ASB10: variants seen among roughly 807,000 people sequenced by gnomAD.
ASB10 encodes ankyrin repeat and SOCS box protein 10.
A neutral mutation model predicts 35.4 loss-of-function variants in ASB10; 44 were observed. The ratio of observed to expected loss-of-function variants is 1.24; its 90% CI spans 0.98 to 1.60. ASB10 has a LOEUF of 1.60. ASB10 is among the 40% of genes most tolerant of loss of function. The pLI, the probability that ASB10 is intolerant of heterozygous loss-of-function variation, is 0.00. For synonymous variants in ASB10, 294 were observed against 280.4 expected, an observed-to-expected ratio of 1.05 and a Z score of -0.49; for missense variants, 647 against 634.3, an observed-to-expected ratio of 1.02 and a Z score of -0.22.
Position 151,186,842 on chromosome 7 carries a change from C to A in ASB10, c.289G>T (p.Asp97Tyr). ...AGAGCACGGATGTTGAAGCGGAAATCCCTCCATCGCTCTGGGTCGCTGGTA... is the reference window on the plus strand; with the variant it reads ...AGAGCACGGATGTTGAAGCGGAAATACCTCCATCGCTCTGGGTCGCTGGTA... Reference protein sequence around the residue: ...FDTSDPERWRDFRFNIRALRL... With the variant: ...FDTSDPERWRYFRFNIRALRL... Residue 97 changes from aspartate to tyrosine, a missense_variant, in exon 1 of 6, where the codon GAT becomes TAT. By Grantham distance (160) the Asp-to-Tyr change is radical. Transcript: ENST00000420175. 1 of 1,606,048 alleles carries A rather than the reference C, an allele frequency of 6.2e-7. No individual in the cohort carries two copies. Among genetic ancestry groups the A allele is most frequent in the Non-Finnish European group, 8.5e-7 (1 of 1,174,590 alleles).
rs1190775647 is a variant in ASB10 at position 151,186,637 on chromosome 7, T to C, written c.339A>G (p.Glu113=). 6.2e-6 allele frequency: 10 copies of C among 1,610,872 alleles called. No individual in the cohort carries two copies. Among genetic ancestry groups the C allele is most frequent in the Non-Finnish European group, 8.5e-6 (10 of 1,179,028 alleles). Reference sequence around the variant, plus strand: ...CATGCAGTGGGGTGGTCAGCTCCTCTTCGTATGTCAGAGACCAGAGTCCTA... The same window carrying C: ...CATGCAGTGGGGTGGTCAGCTCCTCCTCGTATGTCAGAGACCAGAGTCCTA... ...RALRLWSLTY[E]EELTTPLHVA... Residue 113 remains glutamate, a synonymous_variant, in exon 2 of 6, where the codon GAA becomes GAG. Transcript: ENST00000420175.
rs558930950 is a variant in ASB10 at position 151,187,046 on chromosome 7, C to G, written c.85G>C (p.Glu29Gln). 6.2e-7 allele frequency: 1 copy of G among 1,610,308 alleles called. No homozygotes were observed. The highest frequency in any genetic ancestry group is 2.2e-5 in the East Asian group (1 of 44,740). ...DRHPLCARLV[E>Q]KPSRGSEEHL... ...TCCTCAGACCCTCTGCTGGGCTTCT[C>G]CACCAGCCTGGCACAGAGGGGGTGT... Residue 29 changes from glutamate to glutamine, a missense_variant, in exon 1 of 6, where the codon GAG becomes CAG. Coordinates refer to ENST00000420175, the MANE Select transcript of ASB10 (RefSeq NM_001142459.2). This position sits in a 1 kb window ranked among gnomAD's most constrained non-coding sequence, Gnocchi z 5.3.
chr7:151,179,092 C>G (rs182925974), intron 3 of ASB10, among the ~76,000 whole-genome samples: 10 of 152,300 alleles, frequency 6.6e-5, no homozygotes, highest in Non-Finnish European at 1.0e-4. Context: ...GGGATGATGC[C>G]AAGCAGCTTA....
chr7:151,176,199 G>A lies in ASB10; in HGVS notation c.1317C>T (p.Gly439=), dbSNP rs755443451. The change falls in exon 5 of 6, where the codon GGC becomes GGT. Residue 439 remains glycine (G), a synonymous_variant. Coordinates refer to ENST00000420175, the MANE Select transcript of ASB10 (RefSeq NM_001142459.2). ...GGCGGGGCAGCGCTTGGGGCAGGCT[G>A]CCCTCCAGGTGGGAGCGGAGCGCAC... ...SRCALRSHLE[G]SLPQALPRLP... is the part of the protein sequence containing the mutation. 37 of 1,610,456 alleles carry A rather than the reference G, an allele frequency of 2.3e-5. No individual in the cohort carries two copies. In the African/African-American group the frequency reaches 2.5e-4, roughly 11 times the overall value.
intron 2 of ASB10, among the ~76,000 whole-genome samples, chr7:151,183,179 C>T (rs564746594): frequency 1.2e-4 from 18 of 152,276 alleles, no homozygotes; most frequent in Admixed American, 2.0e-4. Flanking sequence ...TGGCTAGGTG[C>T]AGTGGAGAAT....
intron 4 of ASB10, 121 bp from the exon 5 acceptor site, chr7:151,176,418 G>T: frequency 6.9e-7 from 1 of 1,459,220 alleles, no homozygotes; most frequent in South Asian, 1.4e-5. Flanking sequence ...TAGAAACAAT[G>T]AATGTTTGAG....
intron 5 of ASB10, 61 bp downstream of exon 5, chr7:151,176,051 T>G (rs956169774): frequency 1.3e-6 from 2 of 1,567,946 alleles, no homozygotes; most frequent in African/African-American, 2.7e-5. Flanking sequence ...ACCCTTCTCT[T>G]GCCTTCCACA....
At position 151,186,521 on chromosome 7, in the gene ASB10, A is replaced by G; in HGVS notation, c.455T>C (p.Leu152Pro). ...GTGGCCTGCAGCACAGGCCTCGTGCAGGGCGGTGCGGCCCCCAGGGGCACT... is the reference window on the plus strand; with the variant it reads ...GTGGCCTGCAGCACAGGCCTCGTGCGGGGCGGTGCGGCCCCCAGGGGCACT... The part of the protein sequence containing the change: ...PDSAPGGRTA[L>P]HEACAAGHTA... The change falls in exon 2 of 6, where the codon CTG becomes CCG. Residue 152 changes from leucine (L) to proline (P), a missense_variant. By Grantham distance (98) the Leu-to-Pro change is moderately conservative. Transcript: ENST00000420175. The G allele has an allele frequency of 6.2e-7, 1 of 1,603,418 alleles. No homozygotes were observed. The highest frequency in any genetic ancestry group is 8.5e-7 in the Non-Finnish European group (1 of 1,175,492).
chr7:151,181,953 A>G (rs1036413350), intron 2 of ASB10, among the ~76,000 whole-genome samples: 12 of 152,176 alleles, frequency 7.9e-5, no homozygotes, highest in African/African-American at 2.4e-4. Context: ...TTTTGTTGGG[A>G]TAATCCACTA....
chr7:151,179,161 A>G (rs572152863), intron 3 of ASB10, among the ~76,000 whole-genome samples: 1 of 152,392 alleles, frequency 6.6e-6, no homozygotes, highest in African/African-American at 2.4e-5. Context: ...AGTGTTAAGC[A>G]CTAGGCTTGA....
intron 2 of ASB10, among the ~76,000 whole-genome samples, chr7:151,181,908 T>G (rs1488412667): frequency 6.6e-6 from 1 of 152,162 alleles, no homozygotes; most frequent in African/African-American, 2.4e-5. Flanking sequence ...CCACTGTGCC[T>G]GGCCAACAGT....
Position 151,181,078 on chromosome 7 carries a change from G to T in ASB10, c.965C>A (p.Thr322Asn). The change falls in exon 3 of 6, where the codon ACC becomes AAC. Residue 322 changes from threonine to asparagine, a missense_variant. Coordinates refer to ENST00000420175, the MANE Select transcript of ASB10 (RefSeq NM_001142459.2). The stretch of plus-strand genomic sequence containing the variant: ...GGGCGTGTGTCCCCCATAGTCCATG[G>T]TGTTGGCGCTGACACCACAGGACAG... The part of the protein sequence containing the change: ...LLLSCGVSAN[T>N]MDYGGHTPLH... 6.2e-7 allele frequency: 1 copy of T among 1,612,546 alleles called. No homozygotes were observed.
upstream of ASB10, chr7:151,187,771 G>A: frequency 6.9e-7 from 1 of 1,449,494 alleles, no homozygotes; most frequent in South Asian, 1.5e-5. The surrounding 1 kb of genome is among the most constrained non-coding windows in gnomAD (Gnocchi z 5.3). Context: ...CGATGTTGCT[G>A]GTGGACTGGG....
chr7:151,183,449 C>G (rs1335627704), intron 2 of ASB10, among the ~76,000 whole-genome samples: 1 of 152,070 alleles, frequency 6.6e-6, no homozygotes, highest in Admixed American at 6.6e-5. Flanking sequence ...TCTCTGTCAC[C>G]CAGGCTGGAA....
chr7:151,176,721 G>T, intron 3 of ASB10, 45 bp from the exon 4 acceptor site: 1 of 1,329,276 alleles, frequency 7.5e-7, no homozygotes, highest in South Asian at 1.3e-5. Context: ...AGTCCACACA[G>T]TGACCAGACA....
rs537420310 is a variant in ASB10 at position 151,186,605 on chromosome 7, G to C, written c.371C>G (p.Ala124Gly). 1.2e-5 allele frequency: 19 copies of C among 1,610,236 alleles called. 1 individual carries two copies. The South Asian group carries it at 1.8e-4, about 15-fold the overall frequency. Residue 124 changes from alanine (A) to glycine (G), a missense_variant, in exon 2 of 6, where the codon GCC (alanine) becomes GGC (glycine). By Grantham distance (60) the Ala-to-Gly change is moderately conservative. Coordinates refer to ENST00000420175, the MANE Select transcript of ASB10 (RefSeq NM_001142459.2). Reference sequence around the variant, plus strand: ...CAGGACTTCCGTGTGGCCACGGCTGGCTGCCACATGCAGTGGGGTGGTCAG... The same window carrying C: ...CAGGACTTCCGTGTGGCCACGGCTGCCTGCCACATGCAGTGGGGTGGTCAG... The part of the protein sequence containing the change: ...EELTTPLHVA[A>G]SRGHTEVLRL...
chr7:151,176,497 G>C (rs898302033), intron 4 of ASB10, 66 bp downstream of exon 4: 1 of 1,499,802 alleles, frequency 6.7e-7, no homozygotes, highest in Non-Finnish European at 9.0e-7. Flanking sequence ...GGGGGGCTGC[G>C]GTTTAGCGGG....
At chr7:151,180,912 C>T (rs967248398) in intron 3 of ASB10, 27 bp downstream of exon 3, 2 of 1,463,374 alleles carry the variant, frequency 1.4e-6, no homozygotes, top group African/African-American at 1.4e-5. Flanking sequence ...ACCATGGTGG[C>T]CCTCCTGCTG....
In ASB10 at chr7:151,181,396, T is replaced by G. The variant is rs777678904; in HGVS notation, c.647A>C (p.Glu216Ala). 1 of 1,612,234 alleles carries G rather than the reference T, an allele frequency of 6.2e-7. No individual in the cohort carries two copies. The highest frequency in any genetic ancestry group is 1.1e-5 in the South Asian group (1 of 91,010). ...RVDGRSEEEE[E>A]TPLHVAARLG... ...CCGGGCGGCCACATGCAAAGGGGTC[T>G]CCTCTTCTTCCTCGGACCGACCATC... The change falls in exon 3 of 6, where the codon GAG becomes GCG. Residue 216 changes from glutamate to alanine, a missense_variant. Physicochemically the swap from Glu to Ala is moderately radical, Grantham distance 107. Coordinates refer to ENST00000420175, the MANE Select transcript of ASB10 (RefSeq NM_001142459.2).
Sources: gnomAD v4.1 joint callset for allele counts (sites outside exome capture counted in the v4.1 genomes callset) on GRCh38, gnomAD v4.1.1 for gene constraint, Gnocchi (gnomAD v3.1) non-coding constraint, MANE v1.5 for transcripts, NCBI Gene and HGNC (gene_info 2026-07-23, HGNC 2026-07-21) for gene names.